Variants in COBL observed in about 807,000 individuals in gnomAD.
COBL encodes cordon-bleu WH2 repeat protein.
A neutral mutation model predicts 98.8 loss-of-function variants in COBL; 51 were observed. The observed-to-expected ratio is 0.52, with a 90% CI of 0.41 to 0.65. The LOEUF (loss-of-function observed/expected upper bound fraction) is 0.65, where lower values mean the gene tolerates loss of function less well. Ranked by LOEUF, COBL falls within the 30% of genes least tolerant of loss-of-function variation. COBL has a pLI of 0.00. For synonymous variants in COBL, 634 were observed against 651.7 expected (o/e 0.97, Z 0.41); for missense variants, 1,617 against 1,617.5 (o/e 1.00, Z 0.01).
intron 1 of COBL, among the ~76,000 whole-genome samples, chr7:51,271,517 T>C (rs540255479): frequency 1.3e-5 from 2 of 152,282 alleles, no homozygotes; most frequent in African/African-American, 2.4e-5. Context: ...AGGTAATGGG[T>C]GCACAGAGAA....
intron 1 of COBL, among the ~76,000 whole-genome samples, chr7:51,239,915 T>C (rs1164488332): frequency 2.0e-5 from 3 of 152,206 alleles, no homozygotes; most frequent in African/African-American, 7.2e-5. Context: ...TTGTGGGCCA[T>C]ATGATCTCTG....
At chr7:51,269,416 G>C (rs999951283) in intron 1 of COBL, among the ~76,000 whole-genome samples, 3 of 152,226 alleles carry the variant, frequency 2.0e-5, no homozygotes, top group Admixed American at 2.0e-4. Context: ...GTCATGCCGT[G>C]CTGCTGGTAA....
chr7:51,051,709 A>T (rs776830011), intron 7 of COBL, among the ~76,000 whole-genome samples: 45 of 152,206 alleles, frequency 3.0e-4, no homozygotes, highest in Non-Finnish European at 5.4e-4. Context: ...AACAACAGTC[A>T]TGGGTGCGGT....
At chr7:51,104,319 A>T (rs1044082451) in intron 6 of COBL, among the ~76,000 whole-genome samples, 3 of 152,210 alleles carry the variant, frequency 2.0e-5, no homozygotes, top group Admixed American at 1.3e-4. Context: ...TGTATTTTTA[A>T]GATGATGACC....
chr7:51,283,311 C>A (rs1799969979), intron 1 of COBL, among the ~76,000 whole-genome samples: 1 of 152,008 alleles, frequency 6.6e-6, no homozygotes, highest in African/African-American at 2.4e-5. Flanking sequence ...CTACAGAGAC[C>A]ACAGACAATA....
chr7:51,262,399 C>T (rs138354260), intron 1 of COBL, among the ~76,000 whole-genome samples: 13 of 152,290 alleles, frequency 8.5e-5, no homozygotes, highest in Non-Finnish European at 1.5e-4. Flanking sequence ...GAAACCGTGT[C>T]AGAGTCAGAA....
At chr7:51,166,399 A>G (rs1324193561) in intron 5 of COBL, among the ~76,000 whole-genome samples, 1 of 152,090 alleles carries the variant, frequency 6.6e-6, no homozygotes, top group Non-Finnish European at 1.5e-5. Flanking sequence ...CCAAGATTGA[A>G]TCAGGGAGAA....
intron 5 of COBL, among the ~76,000 whole-genome samples, chr7:51,139,122 A>T (rs942274318): frequency 6.6e-6 from 1 of 152,184 alleles, no homozygotes; most frequent in African/African-American, 2.4e-5. Flanking sequence ...ATTTTGCATT[A>T]TCTATTTTTT....
At chr7:51,199,628 G>C (rs183401523) in intron 2 of COBL, among the ~76,000 whole-genome samples, 85 of 152,100 alleles carry the variant, frequency 5.6e-4, no homozygotes, top group African/African-American at 1.9e-3. Flanking sequence ...TGAAACAGAA[G>C]CATCAAGAAG....
intron 6 of COBL, among the ~76,000 whole-genome samples, chr7:51,106,909 A>G (rs1213690625): frequency 6.6e-6 from 1 of 152,198 alleles, no homozygotes; most frequent in Admixed American, 6.5e-5. Context: ...AATGCCCTGA[A>G]ACAGAATACT....
At chr7:51,272,985 CAAA>C (rs1798915308) in intron 1 of COBL, among the ~76,000 whole-genome samples, 1 of 151,122 alleles carries the variant, frequency 6.6e-6, no homozygotes, top group South Asian at 2.1e-4. Flanking sequence ...ACAACAACAA[CAAA>C]AACATCCTTC....
chr7:51,314,792 T>C (rs185785722), intron 1 of COBL, among the ~76,000 whole-genome samples: 1 of 152,298 alleles, frequency 6.6e-6, no homozygotes, highest in Admixed American at 6.5e-5. Flanking sequence ...TCAGGAATAA[T>C]TTCATGTTTT....
chr7:51,168,261 G>A (rs117834506), intron 5 of COBL, among the ~76,000 whole-genome samples: 355 of 152,114 alleles, frequency 2.3e-3, no homozygotes, highest in Non-Finnish European at 3.9e-3. Flanking sequence ...AAGGCCGGGC[G>A]CTGTAGCTTA....
At chr7:51,050,282 A>G (rs770605287) in intron 7 of COBL, among the ~76,000 whole-genome samples, 2 of 152,200 alleles carry the variant, frequency 1.3e-5, no homozygotes, top group African/African-American at 2.4e-5. Flanking sequence ...ACCTGAACCA[A>G]ACTCTAGTCC....
chr7:51,111,214 T>G (rs947805352), intron 6 of COBL, among the ~76,000 whole-genome samples: 1 of 152,230 alleles, frequency 6.6e-6, no homozygotes, highest in Admixed American at 6.5e-5. Context: ...GTGGTGGGAT[T>G]GCTGCATCAT....
intron 6 of COBL, among the ~76,000 whole-genome samples, chr7:51,099,541 G>A (rs1286909512): frequency 6.6e-6 from 1 of 152,140 alleles, no homozygotes; most frequent in Non-Finnish European, 1.5e-5. Context: ...GCTATATAAA[G>A]TAGTCAAACT....
chr7:51,136,446 G>C, intron 5 of COBL, 115 bp from the exon 6 acceptor site: 1 of 1,099,710 alleles, frequency 9.1e-7, no homozygotes. Flanking sequence ...AACGGCAGCT[G>C]TTTCTACAGT....
At chr7:51,117,633 A>C (rs192356180) in intron 6 of COBL, among the ~76,000 whole-genome samples, 59 of 152,156 alleles carry the variant, frequency 3.9e-4, no homozygotes, top group Non-Finnish European at 7.4e-5. Context: ...TGTTGTTACC[A>C]CAGTTACAAG....
At chr7:51,163,261 T>G (rs1291864481) in intron 5 of COBL, among the ~76,000 whole-genome samples, 31 of 152,120 alleles carry the variant, frequency 2.0e-4, no homozygotes, top group Admixed American at 2.0e-3. Context: ...AACGGCAGAG[T>G]GCTCTTCAGA....
Sources: gnomAD v4.1 joint callset for allele counts (sites outside exome capture counted in the v4.1 genomes callset) on GRCh38, gnomAD v4.1.1 for gene constraint, MANE v1.5 for transcripts, NCBI Gene and HGNC (gene_info 2026-07-23, HGNC 2026-07-21) for gene names.